KYAT1: variants seen among roughly 807,000 people sequenced by gnomAD.
KYAT1 encodes kynurenine aminotransferase 1.
Under a neutral mutation model 52.4 loss-of-function variants are expected in KYAT1, and 47 were observed. That is an observed-to-expected ratio of 0.90 (90% CI 0.71 to 1.14). The LOEUF is 1.14. Ranked by LOEUF, KYAT1 falls within the 50% of genes most tolerant of loss-of-function variation. KYAT1 has a pLI of 0.00. For synonymous variants in KYAT1, 212 were observed against 209.6 expected, an observed-to-expected ratio of 1.01 and a Z score of -0.10; for missense variants, 480 against 557.9, an observed-to-expected ratio of 0.86 and a Z score of 1.41.
At chr9:128,873,000 C>A (rs776361581) in intron 1 of KYAT1, among the ~76,000 whole-genome samples, 1 of 147,062 alleles carries the variant, frequency 6.8e-6, no homozygotes, top group Non-Finnish European at 1.5e-5. Context: ...TGCTTGAACC[C>A]GGGAGGCAAA....
rs1835791162 is a variant in KYAT1, at chr9:128,863,766, G to GC, written c.-7+18130dup. On this transcript the variant is annotated intron_variant, in intron 1 of 12. Transcript: ENST00000302586. Reference sequence around the variant, plus strand: ...GCCAGCAGGGGGCGCAAGGAGCCAGGCCCCTCGTGGCTTTGAGGTTGCTGG... The same window carrying GC: ...GCCAGCAGGGGGCGCAAGGAGCCAGGCCCCCTCGTGGCTTTGAGGTTGCTGG... 2.6e-5 allele frequency among the ~76,000 whole-genome samples: 4 copies of GC among 152,312 alleles called. No homozygotes were observed. The South Asian group carries it at 8.3e-4, about 32-fold the overall frequency.
At chr9:128,862,150 T>C (rs918319022) in intron 1 of KYAT1, among the ~76,000 whole-genome samples, 10 of 152,210 alleles carry the variant, frequency 6.6e-5, no homozygotes, top group Admixed American at 1.3e-4. Context: ...GTCTTCATCA[T>C]CTCAAGTGAA....
At chr9:128,871,476 C>A (rs903891203) in intron 1 of KYAT1, among the ~76,000 whole-genome samples, 1 of 151,642 alleles carries the variant, frequency 6.6e-6, no homozygotes, top group Admixed American at 6.6e-5. Flanking sequence ...CTTTGAGAGG[C>A]CGAGGCAGGA....
At chr9:128,882,509 A>G, upstream of KYAT1, 2 of 391,658 alleles carry the variant, frequency 5.1e-6, no homozygotes. Context: ...CTTGTGCTTC[A>G]GAAACCAGGA....
chr9:128,835,304 T>C lies in KYAT1; in HGVS notation c.1122+19A>G. 1 of 1,607,928 alleles carries C rather than the reference T, an allele frequency of 6.2e-7. No individual in the cohort carries two copies. ...ACCTGTGAAACCATACATGGCTGCC[T>C]GGCAGAGGCCCAGCCCACCTTGTTC... is the stretch of plus-strand genomic sequence containing the variant. On this transcript the variant is annotated intron_variant, in intron 11 of 12. Transcript: ENST00000302586.
At position 128,836,898 on chromosome 9, in the gene KYAT1, G is replaced by C; in HGVS notation, c.592C>G (p.Leu198Val). 2 of 1,613,472 alleles carry C rather than the reference G, an allele frequency of 1.2e-6. No individual in the cohort carries two copies. Among genetic ancestry groups the C allele is most frequent in the South Asian group, 2.2e-5 (2 of 91,082 alleles). The part of the protein sequence containing the change: ...GKVFSREELE[L>V]VASLCQQHDV... ...TGCTGCTGGCAAAGGCTGGCCACCA[G>C]CTCCAGCTCTTCCCTGGAGAACACC... Residue 198 changes from leucine (L) to valine (V), a missense_variant, in exon 7 of 13, where the codon CTG becomes GTG. By Grantham distance (32) the Leu-to-Val change is conservative (BLOSUM62 1). Coordinates refer to ENST00000302586, the MANE Select transcript of KYAT1 (RefSeq NM_004059.5).
chr9:128,839,026 C>T (rs1465827927), intron 3 of KYAT1, among the ~76,000 whole-genome samples: 1 of 151,846 alleles, frequency 6.6e-6, no homozygotes, highest in Non-Finnish European at 1.5e-5. Context: ...TGCAGTGGCA[C>T]AATCGCGGCT....
chr9:128,877,567 G>C (rs939845513), intron 1 of KYAT1, among the ~76,000 whole-genome samples: 1 of 152,202 alleles, frequency 6.6e-6, no homozygotes, highest in African/African-American at 2.4e-5. Flanking sequence ...TCTCAGGCGG[G>C]TGCTAGGGCT....
chr9:128,857,492 A>C (rs1390815300), intron 1 of KYAT1, among the ~76,000 whole-genome samples: 2 of 152,218 alleles, frequency 1.3e-5, no homozygotes, highest in Non-Finnish European at 2.9e-5. Context: ...TACATGCGTG[A>C]GCCATGTGCC....
chr9:128,833,424 A>C lies in KYAT1; in HGVS notation c.*160T>G, dbSNP rs956997851. ...AGGCACTTGGTTCTCTAAGATGAAG[A>C]AGGGCGGCTCCCACCCAGAACATTC... On this transcript the variant is annotated 3_prime_UTR_variant, in exon 13 of 13. Coordinates refer to ENST00000302586, the MANE Select transcript of KYAT1 (RefSeq NM_004059.5). 11 of 725,018 alleles carry C rather than the reference A, an allele frequency of 1.5e-5. No individual in the cohort carries two copies. Among genetic ancestry groups the C allele is most frequent in the African/African-American group, 5.8e-5 (3 of 51,446 alleles). The allele number at this position is 725,018 out of a possible 1,614,324, so 44.9% of individuals were successfully genotyped here.
At chr9:128,859,186 C>A (rs1405676130) in intron 1 of KYAT1, among the ~76,000 whole-genome samples, 1 of 151,218 alleles carries the variant, frequency 6.6e-6, no homozygotes, top group Non-Finnish European at 1.5e-5. Context: ...CACGGCGAAA[C>A]CCTGTCTCTA....
At chr9:128,853,307 T>C (rs1043653922) in intron 1 of KYAT1, among the ~76,000 whole-genome samples, 2 of 152,220 alleles carry the variant, frequency 1.3e-5, no homozygotes, top group Non-Finnish European at 2.9e-5. Flanking sequence ...TTACCAGATA[T>C]AAACCTTTAG....
At chr9:128,879,151 A>G (rs931731447) in intron 1 of KYAT1, among the ~76,000 whole-genome samples, 2 of 152,206 alleles carry the variant, frequency 1.3e-5, no homozygotes, top group African/African-American at 2.4e-5. Context: ...TCTACTAAAA[A>G]TACAAAAAAT....
Position 128,837,021 on chromosome 9 carries a change from C to T in KYAT1, c.568-99G>A, listed in dbSNP as rs534159778. The T allele has an allele frequency of 7.4e-5, 108 of 1,454,904 alleles. No homozygotes were observed. In the South Asian group the frequency reaches 9.0e-4, roughly 12 times the overall value. 90.1% of individuals were successfully genotyped at this position (1,454,904 alleles called of 1,614,324 possible). A position where few individuals can be genotyped will look rare whatever the true frequency, so the allele number is the denominator to read the frequency against. On this transcript the variant is annotated intron_variant, in intron 6 of 12. Coordinates refer to ENST00000302586, the MANE Select transcript of KYAT1 (RefSeq NM_004059.5). ...TAAAGAACACAGCTGCGGCCAGGTGCGGTGGCTCACGCCTGTAATCCTAGC... is the reference window on the plus strand; with the variant it reads ...TAAAGAACACAGCTGCGGCCAGGTGTGGTGGCTCACGCCTGTAATCCTAGC...
At chr9:128,874,992 T>G (rs1030086433) in intron 1 of KYAT1, among the ~76,000 whole-genome samples, 1 of 152,136 alleles carries the variant, frequency 6.6e-6, no homozygotes, top group African/African-American at 2.4e-5. Context: ...CCCAAAGTGC[T>G]GGGATTACAG....
intron 1 of KYAT1, among the ~76,000 whole-genome samples, chr9:128,848,201 C>T (rs757925715): frequency 8.6e-5 from 13 of 151,734 alleles, no homozygotes; most frequent in Non-Finnish European, 1.5e-4. Flanking sequence ...CACCTGTAGT[C>T]CCAGCTACTG....
chr9:128,878,024 C>T (rs1395477709), intron 1 of KYAT1, among the ~76,000 whole-genome samples: 3 of 152,196 alleles, frequency 2.0e-5, no homozygotes, highest in Non-Finnish European at 4.4e-5. Flanking sequence ...CATGCCAGGC[C>T]GCAGCCTCTT....
intron 1 of KYAT1, among the ~76,000 whole-genome samples, chr9:128,863,454 A>C (rs1373496409): frequency 6.6e-6 from 1 of 151,798 alleles, no homozygotes; most frequent in African/African-American, 2.4e-5. Context: ...GCAACATAAC[A>C]ACACCCTTTC....
At chr9:128,835,723 A>G in intron 9 of KYAT1, 56 bp from the exon 10 acceptor site, 1 of 1,604,890 alleles carries the variant, frequency 6.2e-7, no homozygotes, top group South Asian at 1.1e-5. Flanking sequence ...CGCGGGGGCC[A>G]GCCTGGGCTC....
Sources: gnomAD v4.1 joint callset for allele counts (sites outside exome capture counted in the v4.1 genomes callset) on GRCh38, gnomAD v4.1.1 for gene constraint, MANE v1.5 for transcripts, NCBI Gene and HGNC (gene_info 2026-07-23, HGNC 2026-07-21) for gene names.